The following GALNT2 variants were observed in gnomAD, a reference collection of about 807,000 sequenced individuals.
GALNT2 encodes UDP-GalNAc:polypeptide N-acetylgalactosaminyltransferase 2.
Under a neutral mutation model 81.4 loss-of-function variants are expected in GALNT2, and 31 were observed. That is an observed-to-expected ratio of 0.38 (90% CI 0.29 to 0.51). The LOEUF (loss-of-function observed/expected upper bound fraction) is 0.51. Among genes scored for constraint, GALNT2 ranks in the 20% least tolerant of loss-of-function variants. The pLI is 0.87. For missense variants in GALNT2, 629 were observed against 765.7 expected, an observed-to-expected ratio of 0.82 and a Z score of 2.11; for synonymous variants, 303 against 287.4, an observed-to-expected ratio of 1.05 and a Z score of -0.55.
rs577298562 is a variant in GALNT2, at chr1:230,128,845, A to G, written c.127-49373A>G. 1.9e-3 allele frequency among the ~76,000 whole-genome samples: 285 copies of G among 152,300 alleles called. 1 individual carries two copies. The Middle Eastern group carries it at 0.024, about 13-fold the overall frequency. The stretch of plus-strand genomic sequence containing the variant: ...CTATATGTGGGGTGCCCCGAGCCCC[A>G]TCCAGGGCACCTGCGCTTTCTGGTT... On this transcript the variant is annotated intron_variant, in intron 1 of 15. Coordinates refer to ENST00000366672, the MANE Select transcript of GALNT2 (RefSeq NM_004481.5).
chr1:230,106,443 A>G (rs1414211187), intron 1 of GALNT2, among the ~76,000 whole-genome samples: 1 of 152,218 alleles, frequency 6.6e-6, no homozygotes, highest in Non-Finnish European at 1.5e-5. Context: ...GGTCTGGCCC[A>G]CTGACCCGGA....
rs534126594 is a variant in GALNT2 at position 230,210,514 on chromosome 1, A to C, written c.374+7224A>C. Among the ~76,000 whole-genome samples, 9 of 152,318 alleles carry C rather than the reference A, an allele frequency of 5.9e-5. No homozygotes were observed. In the South Asian group the frequency reaches 1.5e-3, roughly 25 times the overall value. On this transcript the variant is annotated intron_variant, in intron 3 of 15. Transcript: ENST00000366672. Reference sequence around the variant, plus strand: ...TTTTTGTGTCTCACGCTGAAATACCACTGCCTGAACCATTTCCCTACAAAG... The same window carrying C: ...TTTTTGTGTCTCACGCTGAAATACCCCTGCCTGAACCATTTCCCTACAAAG...
intron 6 of GALNT2, among the ~76,000 whole-genome samples, chr1:230,239,459 G>C (rs758136611): frequency 2.0e-5 from 3 of 152,188 alleles, no homozygotes; most frequent in Non-Finnish European, 2.9e-5. Flanking sequence ...GTGGTTGAAT[G>C]TCCAATAGTC....
Position 230,145,307 on chromosome 1 carries a change from T to C in GALNT2, c.127-32911T>C, listed in dbSNP as rs1661881163. Among the ~76,000 whole-genome samples the C allele has an allele frequency of 2.0e-5, 3 of 152,192 alleles. No homozygotes were observed. The South Asian group carries it at 6.2e-4, about 32-fold the overall frequency. ...CAGAAATCTGCACTGTCAGCTCCCC[T>C]GACCCCTAAGTTTGTGGGGTTTCCT... is the stretch of plus-strand genomic sequence containing the variant. On this transcript the variant is annotated intron_variant, in intron 1 of 15. Transcript: ENST00000366672.
At chr1:230,140,149 G>A (rs1240228619) in intron 1 of GALNT2, among the ~76,000 whole-genome samples, 1 of 152,220 alleles carries the variant, frequency 6.6e-6, no homozygotes, top group African/African-American at 2.4e-5. Flanking sequence ...CTTCCCCTTG[G>A]GGGTCGGCTT....
intron 11 of GALNT2, among the ~76,000 whole-genome samples, chr1:230,258,231 G>T (rs932791334): frequency 2.2e-4 from 32 of 142,474 alleles, no homozygotes; most frequent in African/African-American, 4.7e-4. Context: ...AAACTTTTTG[G>T]TTTTTTTTCT....
At chr1:230,128,168 C>G (rs1661251786) in intron 1 of GALNT2, among the ~76,000 whole-genome samples, 1 of 152,134 alleles carries the variant, frequency 6.6e-6, no homozygotes, top group Admixed American at 6.5e-5. Context: ...CTCTTCTGGC[C>G]ATCTGGGGCC....
chr1:230,088,167 G>C (rs1659953189), intron 1 of GALNT2, among the ~76,000 whole-genome samples: 1 of 152,002 alleles, frequency 6.6e-6, no homozygotes, highest in South Asian at 2.1e-4. Context: ...TAAGTGTACA[G>C]TTTTGTAGTG....
intron 12 of GALNT2, 118 bp from the exon 13 acceptor site, chr1:230,262,804 C>T (rs1371205997): frequency 7.9e-7 from 1 of 1,269,802 alleles, no homozygotes; most frequent in Non-Finnish European, 1.1e-6. Flanking sequence ...GGAGCATGGG[C>T]AGTCCACACC....
intron 1 of GALNT2, among the ~76,000 whole-genome samples, chr1:230,069,228 TCAGACA>T: frequency 6.6e-6 from 1 of 152,156 alleles, no homozygotes; most frequent in East Asian, 1.9e-4. Context: ...GCAGAAGTCT[TCAGACA>T]CTCCTGAAGT....
chr1:230,169,793 T>A (rs61030151), intron 1 of GALNT2, among the ~76,000 whole-genome samples: 19,093 of 152,234 alleles, frequency 0.13, 1,949 homozygotes, highest in African/African-American at 0.27. Flanking sequence ...CATAACATAT[T>A]TTTTATTTGT....
chr1:230,155,746 C>G (rs1662230553), intron 1 of GALNT2, among the ~76,000 whole-genome samples: 1 of 152,168 alleles, frequency 6.6e-6, no homozygotes, highest in Non-Finnish European at 1.5e-5. Flanking sequence ...CAGAAGATCA[C>G]AAATGGCCCA....
upstream of GALNT2, chr1:230,067,152 C>T (rs901941819): frequency 1.7e-4 from 63 of 368,320 alleles, no homozygotes; most frequent in Middle Eastern, 4.0e-3. Context: ...AGTAGCACCG[C>T]GCGGGAGGAG....
intron 1 of GALNT2, among the ~76,000 whole-genome samples, chr1:230,158,420 AC>A (rs1457297206): frequency 6.6e-6 from 1 of 152,234 alleles, no homozygotes; most frequent in East Asian, 1.9e-4. Flanking sequence ...GAAAACATTA[AC>A]TTTTATTTTG....
intron 14 of GALNT2, chr1:230,268,295 A>C (rs940881199): frequency 6.6e-6 from 1 of 150,822 alleles, no homozygotes; most frequent in African/African-American, 2.5e-5. Flanking sequence ...GGGTTGGGTG[A>C]AGCTTACCTC....
At position 230,193,899 on chromosome 1, in the gene GALNT2, G is replaced by C. The variant is rs1663605731; in HGVS notation, c.221-9238G>C. On this transcript the variant is annotated intron_variant, in intron 2 of 15. Transcript: ENST00000366672. The surrounding 1 kb of genome is among the most constrained non-coding windows in gnomAD (Gnocchi z 4.3). ...GCTGATGCTGGCGGGGCCCCGAGCA[G>C]CCTTCCCGGGGCCTCAGTGCCTATG... Among the ~76,000 whole-genome samples the C allele has an allele frequency of 6.6e-6, 1 of 152,146 alleles. No individual in the cohort carries two copies.
In GALNT2 at chr1:230,079,373, G is replaced by A. The variant is rs193285356; in HGVS notation, c.126+11967G>A. On this transcript the variant is annotated intron_variant, in intron 1 of 15. Coordinates refer to ENST00000366672, the MANE Select transcript of GALNT2 (RefSeq NM_004481.5). The stretch of plus-strand genomic sequence containing the variant: ...CATGCCTGGGAGAATGAACAGCTGG[G>A]GAGAAAGAACAGCTTTTCTTCCCAC... Among the ~76,000 whole-genome samples the A allele has an allele frequency of 2.8e-3, 429 of 152,338 alleles. 6 individuals carry two copies. Among genetic ancestry groups the A allele is most frequent in the African/African-American group, 9.6e-3 (399 of 41,572 alleles).
Position 230,183,311 on chromosome 1 carries a change from G to T in GALNT2, c.220+5000G>T, listed in dbSNP as rs1011422117. 2.6e-5 allele frequency among the ~76,000 whole-genome samples: 4 copies of T among 151,976 alleles called. No homozygotes were observed. The South Asian group carries it at 8.3e-4, about 32-fold the overall frequency. ...ATTTAAATTCATATTTACTATATTT[G>T]TTATTGTTTTTTATTTATTGCCCTT... On this transcript the variant is annotated intron_variant, in intron 2 of 15. Coordinates refer to ENST00000366672, the MANE Select transcript of GALNT2 (RefSeq NM_004481.5).
chr1:230,168,048 C>T (rs1472144764), intron 1 of GALNT2, among the ~76,000 whole-genome samples: 1 of 151,882 alleles, frequency 6.6e-6, no homozygotes, highest in Non-Finnish European at 1.5e-5. Flanking sequence ...CCTGCTTCAG[C>T]TGTGGTTGGG....
Sources: gnomAD v4.1 joint callset for allele counts (sites outside exome capture counted in the v4.1 genomes callset) on GRCh38, gnomAD v4.1.1 for gene constraint, Gnocchi (gnomAD v3.1) non-coding constraint, MANE v1.5 for transcripts, NCBI Gene and HGNC (gene_info 2026-07-23, HGNC 2026-07-21) for gene names.